ARHGEF37: variants seen among roughly 807,000 people sequenced by gnomAD.
ARHGEF37 encodes the protein Rho guanine nucleotide exchange factor (GEF) 37.
In ARHGEF37, 55 loss-of-function variants were observed where a neutral mutation model predicts 71.1. That is an observed-to-expected ratio of 0.77 (90% CI 0.62 to 0.97). ARHGEF37 has a LOEUF of 0.97. ARHGEF37 is among the 50% of genes least tolerant of loss of function. The probability of loss-of-function intolerance (pLI) is 0.00; values close to 1 mark genes in which losing one functional copy is unlikely to be tolerated. For synonymous variants in ARHGEF37, 327 were observed against 350.6 expected (o/e 0.93, Z 0.75); for missense variants, 765 against 836.8 (o/e 0.91, Z 1.06).
chr5:149,600,718 G>C (rs1200514301), intron 2 of ARHGEF37, among the ~76,000 whole-genome samples: 3 of 150,664 alleles, frequency 2.0e-5, no homozygotes, highest in Non-Finnish European at 4.4e-5. Flanking sequence ...TCGGCTCACT[G>C]CAACCTCCAC....
In ARHGEF37 at chr5:149,581,503, C is replaced by A. The variant is rs1763105090; in HGVS notation, c.-133C>A. 6.6e-6 allele frequency: 1 copy of A among 152,062 alleles called. No homozygotes were observed. Among genetic ancestry groups the A allele is most frequent in the African/African-American group, 2.4e-5 (1 of 41,436 alleles). 9.4% of individuals were successfully genotyped at this position (152,062 alleles called of 1,614,324 possible). A position where few individuals can be genotyped will look rare whatever the true frequency, so the allele number is the denominator to read the frequency against. ...CGCCCGCCAGCGCCCTCGGTGGGCA[C>A]AGCCACCCGGAGCGGCGCGGGTGCC... On this transcript the variant is annotated 5_prime_UTR_variant, in exon 1 of 13. Coordinates refer to ENST00000333677, the MANE Select transcript of ARHGEF37 (RefSeq NM_001001669.3).
chr5:149,574,375 C>T (rs1763002732), intron 1 of ARHGEF37, among the ~76,000 whole-genome samples: 1 of 152,208 alleles, frequency 6.6e-6, no homozygotes, highest in South Asian at 2.1e-4. Context: ...TGGGACCAGA[C>T]TGAAACACAG....
chr5:149,597,940 G>A lies in ARHGEF37; in HGVS notation c.171G>A (p.Arg57=). The A allele has an allele frequency of 6.3e-7, 1 of 1,594,070 alleles. No individual in the cohort carries two copies. The change falls in exon 2 of 13, where the codon AGG becomes AGA. Residue 57 remains arginine (R), a synonymous_variant. Transcript: ENST00000333677. ...HMLQLCASDI[R]SRLQQLPQGD... is the part of the protein sequence containing the mutation. Reference sequence around the variant, plus strand: ...TCCAGCTCTGTGCCTCTGACATCAGGAGCCGCCTCCAGCAGGTACTTGGGT... The same window carrying A: ...TCCAGCTCTGTGCCTCTGACATCAGAAGCCGCCTCCAGCAGGTACTTGGGT...
intron 5 of ARHGEF37, 78 bp downstream of exon 5, chr5:149,616,844 A>G: frequency 2.1e-6 from 3 of 1,396,516 alleles, no homozygotes; most frequent in Non-Finnish European, 3.0e-6. Flanking sequence ...AATCTGCTTC[A>G]CCAGTAAAGA....
At chr5:149,588,227 T>TTTGTTTGTTTGC (rs5872137) in intron 1 of ARHGEF37, among the ~76,000 whole-genome samples, 1 of 151,378 alleles carries the variant, frequency 6.6e-6, no homozygotes. Flanking sequence ...TGTTTGTTTG[T>TTTGTTTGTTTGC]TTGCTTTGAG....
Position 149,559,701 on chromosome 5 carries a change from C to A in ARHGEF37, c.-12+7578C>A, listed in dbSNP as rs1431686522. On this transcript the variant is annotated intron_variant, in intron 1 of 2. Transcript: ENST00000505810. ...TTTGATATAGTTTGTGGTGATTAAA[C>A]CCGTATTCATGGACTATTCAATCTT... 3.0e-4 allele frequency among the ~76,000 whole-genome samples: 45 copies of A among 152,124 alleles called. 1 individual carries two copies. Among genetic ancestry groups the A allele is most frequent in the Admixed American group, 2.9e-3 (45 of 15,266 alleles).
chr5:149,596,542 T>C (rs533179776), intron 1 of ARHGEF37, among the ~76,000 whole-genome samples: 22 of 152,240 alleles, frequency 1.4e-4, no homozygotes, highest in African/African-American at 5.1e-4. Context: ...TGACCTCAGG[T>C]GGTTTGCCCA....
intron 4 of ARHGEF37, among the ~76,000 whole-genome samples, chr5:149,615,732 AT>A (rs1216637435): frequency 6.6e-6 from 1 of 152,026 alleles, no homozygotes; most frequent in East Asian, 1.9e-4. Context: ...TCTACTAAAA[AT>A]AAAAAAAAAT....
chr5:149,626,076 C>T (rs1752675894), intron 10 of ARHGEF37, among the ~76,000 whole-genome samples: 1 of 152,164 alleles, frequency 6.6e-6, no homozygotes, highest in African/African-American at 2.4e-5. Context: ...TGTTTAAGGA[C>T]CTGTTTAGAA....
At chr5:149,559,909 T>A (rs1762807179) in intron 1 of ARHGEF37, among the ~76,000 whole-genome samples, 1 of 152,188 alleles carries the variant, frequency 6.6e-6, no homozygotes, top group Non-Finnish European at 1.5e-5. Context: ...ATTAAAAATG[T>A]CTGTTTTATG....
intron 3 of ARHGEF37, among the ~76,000 whole-genome samples, chr5:149,604,673 A>AC (rs1763859319): frequency 8.2e-6 from 1 of 121,872 alleles, no homozygotes; most frequent in African/African-American, 3.4e-5. Context: ...AGGCAGCAAC[A>AC]CCATTTTTTT....
intron 2 of ARHGEF37, among the ~76,000 whole-genome samples, chr5:149,599,266 G>C (rs577894546): frequency 2.6e-5 from 4 of 152,242 alleles, no homozygotes; most frequent in African/African-American, 9.6e-5. Context: ...ACAGCCCCCA[G>C]GCCCCCGAAG....
intron 2 of ARHGEF37, among the ~76,000 whole-genome samples, chr5:149,598,530 C>G (rs1479290454): frequency 1.3e-5 from 2 of 150,228 alleles, no homozygotes; most frequent in African/African-American, 4.9e-5. Flanking sequence ...CTTCAAGGGT[C>G]TCTTTATTCG....
At chr5:149,569,992 T>G (rs1319982467) in intron 1 of ARHGEF37, among the ~76,000 whole-genome samples, 1 of 152,168 alleles carries the variant, frequency 6.6e-6, no homozygotes, top group Non-Finnish European at 1.5e-5. Flanking sequence ...ATTGGATGTT[T>G]TTAGTATTTT....
rs1752395367 is a variant in ARHGEF37 at position 149,616,733 on chromosome 5, A to G, written c.625A>G (p.Asn209Asp). 1.9e-6 allele frequency: 3 copies of G among 1,612,894 alleles called. No homozygotes were observed. The highest frequency in any genetic ancestry group is 1.6e-4 in the Middle Eastern group (1 of 6,062). Residue 209 changes from asparagine (N) to aspartate (D), a missense_variant, in exon 5 of 13, where the codon AAT becomes GAT. Asn to Asp is a conservative substitution (Grantham distance 23). Coordinates refer to ENST00000333677, the MANE Select transcript of ARHGEF37 (RefSeq NM_001001669.3). ...CTCTGCCCTCCAGGACGTGAACACC[A>G]ATATCAATGAGTACAAGATGCGCAA... ...AVSALQDVNTNINEYKMRKEV... is the reference protein window; with the variant it reads ...AVSALQDVNTDINEYKMRKEV...
intron 4 of ARHGEF37, among the ~76,000 whole-genome samples, chr5:149,610,812 C>T (rs561994513): frequency 1.3e-5 from 2 of 152,368 alleles, no homozygotes; most frequent in South Asian, 2.1e-4. Context: ...CGTGCAGCTG[C>T]AGGACAGCCT....
At chr5:149,573,092 T>C (rs1762987972) in intron 1 of ARHGEF37, among the ~76,000 whole-genome samples, 1 of 152,142 alleles carries the variant, frequency 6.6e-6, no homozygotes, top group Non-Finnish European at 1.5e-5. Context: ...CCTGGCTTTA[T>C]AACAACTTAC....
intron 3 of ARHGEF37, among the ~76,000 whole-genome samples, chr5:149,607,385 G>A (rs1384833441): frequency 1.3e-5 from 2 of 152,184 alleles, no homozygotes; most frequent in Non-Finnish European, 2.9e-5. Flanking sequence ...CTTGTTCCCA[G>A]GACTAGTTAC....
chr5:149,580,985 C>T (rs1282542755), upstream of ARHGEF37, among the ~76,000 whole-genome samples: 4 of 152,094 alleles, frequency 2.6e-5, no homozygotes, highest in Non-Finnish European at 4.4e-5. Context: ...GTGTCTTGCT[C>T]CCAGTAGAGT....
Sources: gnomAD v4.1 joint callset for allele counts (sites outside exome capture counted in the v4.1 genomes callset) on GRCh38, gnomAD v4.1.1 for gene constraint, MANE v1.5 for transcripts, NCBI Gene and HGNC (gene_info 2026-07-23, HGNC 2026-07-21) for gene names.